THSD7B: variants seen among roughly 807,000 people sequenced by gnomAD.
The protein encoded by THSD7B is thrombospondin type 1 domain containing 7B.
THSD7B carries 138 observed loss-of-function variants against 213.6 expected under a neutral mutation model. The ratio of observed to expected loss-of-function variants is 0.65; its 90% CI spans 0.56 to 0.74. The LOEUF is 0.74. Among genes scored for constraint, THSD7B ranks in the 30% least tolerant of loss-of-function variants. The probability of loss-of-function intolerance (pLI) is 0.00; values close to 1 mark genes in which losing one functional copy is unlikely to be tolerated. For missense variants in THSD7B, 1,931 were observed against 1,991.5 expected, an observed-to-expected ratio of 0.97 and a Z score of 0.58; for synonymous variants, 742 against 687.0, an observed-to-expected ratio of 1.08 and a Z score of -1.25.
intron 5 of THSD7B, among the ~76,000 whole-genome samples, chr2:137,119,954 A>G (rs1688518559): frequency 6.6e-6 from 1 of 152,176 alleles, no homozygotes; most frequent in South Asian, 2.1e-4. Flanking sequence ...ACCTGTCTTT[A>G]GAAATTGGTT....
At chr2:136,905,369 G>A (rs496928) in intron 2 of THSD7B, among the ~76,000 whole-genome samples, 65,240 of 151,964 alleles carry the variant, frequency 0.43, 15,598 homozygotes, top group Non-Finnish European at 0.55. Context: ...CAGCACAGAT[G>A]TAGACAGTTA....
chr2:137,097,304 A>G (rs1362881925), intron 4 of THSD7B, among the ~76,000 whole-genome samples: 2 of 152,190 alleles, frequency 1.3e-5, no homozygotes, highest in Non-Finnish European at 2.9e-5. Context: ...AAACTGAACT[A>G]CATCTATGTT....
intron 2 of THSD7B, among the ~76,000 whole-genome samples, chr2:136,948,487 T>C (rs2370211): frequency 0.074 from 11,193 of 151,790 alleles, 657 homozygotes; most frequent in African/African-American, 0.16. Context: ...CATGCACACA[T>C]ACACACACCC....
intron 2 of THSD7B, among the ~76,000 whole-genome samples, chr2:137,044,451 C>T (rs1686934390): frequency 6.6e-6 from 1 of 152,092 alleles, no homozygotes; most frequent in African/African-American, 2.4e-5. Context: ...TTTCATCTCC[C>T]AGCACTTTTT....
At chr2:137,005,997 G>A (rs1452131803) in intron 2 of THSD7B, among the ~76,000 whole-genome samples, 1 of 152,094 alleles carries the variant, frequency 6.6e-6, no homozygotes, top group East Asian at 1.9e-4. Context: ...CTCAACTAAT[G>A]ACAAGGCTGA....
At chr2:137,277,398 A>G (rs1325942979) in intron 12 of THSD7B, among the ~76,000 whole-genome samples, 1 of 152,080 alleles carries the variant, frequency 6.6e-6, no homozygotes, top group African/African-American at 2.4e-5. Context: ...ACATTAGAGC[A>G]TTCCTGGTGT....
intron 1 of THSD7B, among the ~76,000 whole-genome samples, chr2:136,780,357 C>T (rs1243635093): frequency 1.3e-5 from 2 of 152,132 alleles, no homozygotes; most frequent in Non-Finnish European, 2.9e-5. Flanking sequence ...GCCCTCATAG[C>T]CTAAGCACCT....
chr2:136,828,192 C>A (rs1324266961), intron 1 of THSD7B, among the ~76,000 whole-genome samples: 5 of 152,180 alleles, frequency 3.3e-5, no homozygotes, highest in Non-Finnish European at 5.9e-5. Flanking sequence ...ACTCAAAAGC[C>A]CCATCTTAAC....
intron 1 of THSD7B, among the ~76,000 whole-genome samples, chr2:136,834,537 C>T (rs1682814286): frequency 6.6e-6 from 1 of 151,516 alleles, no homozygotes. Flanking sequence ...GACTGTGACC[C>T]TGTGACATAT....
rs533245854 is a variant in THSD7B, at chr2:136,816,513, A to G, written c.-36+50826A>G. Among the ~76,000 whole-genome samples the G allele has an allele frequency of 9.8e-5, 15 of 152,310 alleles. No individual in the cohort carries two copies. In the South Asian group the frequency reaches 3.1e-3, roughly 32 times the overall value. Reference sequence around the variant, plus strand: ...ATGAATGAGACAGTTTATTTACCCAATATCTCTGTTCTTGAAGTTTTTGAG... The same window carrying G: ...ATGAATGAGACAGTTTATTTACCCAGTATCTCTGTTCTTGAAGTTTTTGAG... On this transcript the variant is annotated intron_variant, in intron 1 of 27. Coordinates refer to ENST00000409968, the MANE Select transcript of THSD7B (RefSeq NM_001316349.2).
intron 15 of THSD7B, among the ~76,000 whole-genome samples, chr2:137,534,013 T>TGTGC (rs1553457971): frequency 2.7e-5 from 4 of 146,234 alleles, no homozygotes; most frequent in African/African-American, 7.6e-5. Flanking sequence ...TGTGTGTGTG[T>TGTGC]GCGCGCACAC....
chr2:136,842,447 G>A (rs1182344686), intron 1 of THSD7B, among the ~76,000 whole-genome samples: 1 of 152,142 alleles, frequency 6.6e-6, no homozygotes, highest in Non-Finnish European at 1.5e-5. Context: ...CACAGATAAG[G>A]CATGCATTTA....
At chr2:137,296,921 C>T (rs904143663) in intron 12 of THSD7B, among the ~76,000 whole-genome samples, 12 of 151,968 alleles carry the variant, frequency 7.9e-5, no homozygotes, top group African/African-American at 2.9e-4. Flanking sequence ...GAAAAGACAT[C>T]TTCAAACTGG....
intron 2 of THSD7B, among the ~76,000 whole-genome samples, chr2:136,903,077 T>G (rs957820391): frequency 3.3e-5 from 5 of 152,194 alleles, no homozygotes; most frequent in Admixed American, 2.0e-4. Flanking sequence ...CATCATTTAC[T>G]TGGTGAAAGT....
At chr2:137,182,966 TG>T (rs1166217823) in intron 7 of THSD7B, among the ~76,000 whole-genome samples, 1 of 152,182 alleles carries the variant, frequency 6.6e-6, no homozygotes, top group Non-Finnish European at 1.5e-5. Context: ...ATGTGAATAC[TG>T]CTGCAGAAAT....
rs746073156 is a variant in THSD7B, at chr2:137,620,724, G to A, written c.3797G>A (p.Gly1266Glu). The A allele has an allele frequency of 6.8e-6, 11 of 1,612,534 alleles. No homozygotes were observed. The highest frequency in any genetic ancestry group is 9.3e-6 in the Non-Finnish European group (11 of 1,178,918). Reference sequence around the variant, plus strand: ...GAGTGTTCACAGACCTGTGGCCATGGAGGTATTGGTTTCCCCATATTTCCC... The same window carrying A: ...GAGTGTTCACAGACCTGTGGCCATGAAGGTATTGGTTTCCCCATATTTCCC... ...WTECSQTCGH[G>E]GRMSRTRFII... Residue 1266 changes from glycine to glutamate, a missense_variant and splice_region_variant, in exon 20 of 28, where the codon GGA becomes GAA. Physicochemically the swap from Gly to Glu is moderately conservative, Grantham distance 98. Transcript: ENST00000409968.
At chr2:136,790,695 C>T (rs1170093159) in intron 1 of THSD7B, among the ~76,000 whole-genome samples, 1 of 152,048 alleles carries the variant, frequency 6.6e-6, no homozygotes, top group African/African-American at 2.4e-5. Flanking sequence ...AAAAATGGTA[C>T]TTAGGATGTC....
intron 5 of THSD7B, among the ~76,000 whole-genome samples, chr2:137,135,106 T>G (rs943272789): frequency 7.9e-5 from 12 of 152,220 alleles, no homozygotes; most frequent in African/African-American, 2.9e-4. Flanking sequence ...CTTAGCCCCT[T>G]CTGTTTAAAA....
chr2:137,343,600 G>A (rs575385388), intron 12 of THSD7B, among the ~76,000 whole-genome samples: 1 of 151,804 alleles, frequency 6.6e-6, no homozygotes, highest in Non-Finnish European at 1.5e-5. Flanking sequence ...AATGCAGGAT[G>A]TTTAGACTTT....
Sources: gnomAD v4.1 joint callset for allele counts (sites outside exome capture counted in the v4.1 genomes callset) on GRCh38, gnomAD v4.1.1 for gene constraint, MANE v1.5 for transcripts, NCBI Gene and HGNC (gene_info 2026-07-23, HGNC 2026-07-21) for gene names.